Variants in CIZ1 observed in about 807,000 individuals in gnomAD.
CIZ1 encodes CDKN1A interacting zinc finger protein 1.
A neutral mutation model predicts 118.6 loss-of-function variants in CIZ1; 58 were observed. The ratio of observed to expected loss-of-function variants is 0.49; its 90% CI spans 0.40 to 0.61. CIZ1 has a LOEUF of 0.61. CIZ1 is among the 20% of genes least tolerant of loss of function. The pLI is 0.00. For missense variants in CIZ1, 921 were observed against 1,115.9 expected (o/e 0.83, Z 2.49); for synonymous variants, 448 against 443.4 (o/e 1.01, Z -0.13).
At chr9:128,167,271 C>T (rs1829552619) in intron 14 of CIZ1, 107 bp from the exon 15 acceptor site, 1 of 821,290 alleles carries the variant, frequency 1.2e-6, no homozygotes, top group Non-Finnish European at 1.9e-6. Context: ...ACAGAATCCC[C>T]TTGATTTCCA....
rs748765389 is a variant in CIZ1 at position 128,190,677 on chromosome 9, G to A, written c.170+11C>T. On this transcript the variant is annotated intron_variant, in intron 2 of 16. Coordinates refer to ENST00000372938, the MANE Select transcript of CIZ1 (RefSeq NM_001131016.2). Reference sequence around the variant, plus strand: ...AAGGCTGAAGCCATCGCGCCCGAGAGGGGAACTCACCGGCTGACAGCCATG... The same window carrying A: ...AAGGCTGAAGCCATCGCGCCCGAGAAGGGAACTCACCGGCTGACAGCCATG... 2.6e-6 allele frequency: 4 copies of A among 1,550,848 alleles called. No individual in the cohort carries two copies. Among genetic ancestry groups the A allele is most frequent in the Non-Finnish European group, 3.5e-6 (4 of 1,149,194 alleles).
Position 128,166,436 on chromosome 9 carries a change from G to A in CIZ1, c.2488-30C>T, listed in dbSNP as rs1486818893. ...ATACAGAAGGTGCAGGTAAGGTCAG[G>A]GTCTCCTCCCTACATGGTATGCTCC... is the stretch of plus-strand genomic sequence containing the variant. On this transcript the variant is annotated intron_variant, in intron 16 of 16. Transcript: ENST00000372938. The surrounding 1 kb of genome is among the most constrained non-coding windows in gnomAD (Gnocchi z 4.4). The A allele has an allele frequency of 1.4e-6, 2 of 1,470,530 alleles. No homozygotes were observed. The highest frequency in any genetic ancestry group is 4.3e-5 in the Admixed American group (2 of 46,416). 91.1% of individuals were successfully genotyped at this position (1,470,530 alleles called of 1,614,324 possible).
chr9:128,168,433 A>G (rs1022220571), intron 14 of CIZ1, among the ~76,000 whole-genome samples: 2 of 151,038 alleles, frequency 1.3e-5, no homozygotes, highest in Non-Finnish European at 2.9e-5. Flanking sequence ...TGAGAATCGC[A>G]TGAACCCAGG....
upstream of CIZ1, among the ~76,000 whole-genome samples, chr9:128,194,248 G>C (rs1158140176): frequency 6.6e-6 from 1 of 151,056 alleles, no homozygotes; most frequent in Admixed American, 6.6e-5. Flanking sequence ...TGTCATCCCA[G>C]CTACTCGGGA....
rs1829809472 is a variant in CIZ1 at position 128,169,141 on chromosome 9, C to T, written c.2206G>A (p.Ala736Thr). The change falls in exon 14 of 17, where the codon GCT (alanine) becomes ACT (threonine). Residue 736 changes from alanine to threonine, a missense_variant. Ala to Thr is a moderately conservative substitution (Grantham distance 58). Coordinates refer to ENST00000372938, the MANE Select transcript of CIZ1 (RefSeq NM_001131016.2). ...QDEDHFITVDAVGCFEGDEEE... is the reference protein window; with the variant it reads ...QDEDHFITVDTVGCFEGDEEE... The stretch of plus-strand genomic sequence containing the variant: ...TCATCACCCTCGAAGCAACCCACAG[C>T]GTCCACTGTAATGAAGTGGTCCTCA... 1.2e-6 allele frequency: 2 copies of T among 1,614,064 alleles called. No individual in the cohort carries two copies. Among genetic ancestry groups the T allele is most frequent in the Admixed American group, 3.3e-5 (2 of 60,000 alleles).
At chr9:128,178,112 G>A (rs971878381) in intron 9 of CIZ1, among the ~76,000 whole-genome samples, 26 of 152,120 alleles carry the variant, frequency 1.7e-4, no homozygotes, top group Non-Finnish European at 3.4e-4. Flanking sequence ...ACCCATGCGA[G>A]GAGACTGGGG....
Position 128,177,528 on chromosome 9 carries a change from G to GCCCCCC in CIZ1, c.1818+37_1818+38insGGGGGG. 9 of 1,164,588 alleles carry GCCCCCC rather than the reference G, an allele frequency of 7.7e-6. No individual in the cohort carries two copies. The East Asian group carries it at 8.6e-5, about 11-fold the overall frequency. 72.1% of individuals were successfully genotyped at this position (1,164,588 alleles called of 1,614,324 possible). ...AGGGCAGGCTGGGCATTCCACGCAGGCCCCACCCCTCCCCACCCTTATCTC... is the reference window on the plus strand; with the variant it reads ...AGGGCAGGCTGGGCATTCCACGCAGGCCCCCCCCCCACCCCTCCCCACCCTTATCTC... On this transcript the variant is annotated intron_variant, in intron 10 of 16. Transcript: ENST00000372938.
At chr9:128,179,682 G>T (rs573676813) in intron 7 of CIZ1, among the ~76,000 whole-genome samples, 3 of 152,030 alleles carry the variant, frequency 2.0e-5, no homozygotes, top group South Asian at 4.2e-4. Context: ...TTGTTTGTTT[G>T]TTTTTTTGAG....
intron 1 of CIZ1, among the ~76,000 whole-genome samples, chr9:128,199,582 G>A (rs1306083139): frequency 3.3e-5 from 5 of 152,014 alleles, no homozygotes; most frequent in Non-Finnish European, 7.3e-5. Context: ...GTGTGCACTT[G>A]TAGTTTCAGC....
chr9:128,180,586 G>A (rs1831456165), intron 6 of CIZ1, 63 bp from the exon 7 acceptor site: 1 of 1,483,220 alleles, frequency 6.7e-7, no homozygotes. Context: ...TGACCTCCAA[G>A]AGATGGGGCC....
chr9:128,192,906 A>C (rs1833256581), upstream of CIZ1, among the ~76,000 whole-genome samples: 1 of 151,340 alleles, frequency 6.6e-6, no homozygotes, highest in African/African-American at 2.4e-5. Flanking sequence ...AGCCTGGGCG[A>C]CTCCTCGCCC....
At chr9:128,189,559 C>T (rs1832867644) in intron 3 of CIZ1, among the ~76,000 whole-genome samples, 1 of 151,992 alleles carries the variant, frequency 6.6e-6, no homozygotes, top group East Asian at 1.9e-4. Context: ...GTGGCTCACG[C>T]CTGTAATCCC....
Position 128,179,126 on chromosome 9 carries a change from C to G in CIZ1, c.1081G>C (p.Val361Leu), listed in dbSNP as rs372654384. Residue 361 changes from valine to leucine, a missense_variant, in exon 8 of 17, where the codon GTG (valine) becomes CTG (leucine). By Grantham distance (32) the Val-to-Leu change is conservative. Transcript: ENST00000372938. Reference sequence around the variant, plus strand: ...GCCTCCTGCTGCAGCTGTGGCTGCACCTGCTTCTGTTGCAGCACTAAGTGC... The same window carrying G: ...GCCTCCTGCTGCAGCTGTGGCTGCAGCTGCTTCTGTTGCAGCACTAAGTGC... ...PEHLVLQQKQ[V>L]QPQLQQEAEP... is the part of the protein sequence containing the mutation. 6.2e-6 allele frequency: 10 copies of G among 1,613,992 alleles called. No individual in the cohort carries two copies. Among genetic ancestry groups the G allele is most frequent in the Middle Eastern group, 1.6e-4 (1 of 6,084 alleles).
rs1251813251 is a variant in CIZ1, at chr9:128,180,435, C to A, written c.771G>T (p.Leu257=). The change falls in exon 7 of 17, where the codon CTG becomes CTT. Residue 257 remains leucine, a synonymous_variant. Coordinates refer to ENST00000372938, the MANE Select transcript of CIZ1 (RefSeq NM_001131016.2). ...PEPEPCEASE[L]PAKRLRSSEE... The stretch of plus-strand genomic sequence containing the variant: ...GTTACCTCCTCAATCTCTTTGCTGG[C>A]AGCTCGGACGCCTCACAAGGCTCAG... 6 of 1,613,986 alleles carry A rather than the reference C, an allele frequency of 3.7e-6. No homozygotes were observed. The African/African-American group carries it at 8.0e-5, about 22-fold the overall frequency.
rs1832280455 is a variant in CIZ1 at position 128,185,745 on chromosome 9, T to C, written c.390A>G (p.Pro130=). The part of the protein sequence containing the change: ...GNLRGYGMAS[P]GLAAPSLTPP... ...GTGTGAGGCTGGGGGCTGCGAGGCCTGGGGATGCCATGCCATAGCCTCGGA... is the reference window on the plus strand; with the variant it reads ...GTGTGAGGCTGGGGGCTGCGAGGCCCGGGGATGCCATGCCATAGCCTCGGA... Residue 130 remains proline (P), a synonymous_variant, in exon 5 of 17, where the codon CCA becomes CCG. Transcript: ENST00000372938. The C allele has an allele frequency of 1.2e-6, 2 of 1,613,360 alleles. No homozygotes were observed. The highest frequency in any genetic ancestry group is 2.7e-5 in the African/African-American group (2 of 74,826).
At chr9:128,171,595 G>C (rs987285248) in intron 11 of CIZ1, among the ~76,000 whole-genome samples, 4 of 151,520 alleles carry the variant, frequency 2.6e-5, no homozygotes, top group Non-Finnish European at 2.9e-5. Context: ...AAATTAGCCG[G>C]GTGTGGTGGC....
chr9:128,181,760 A>C (rs1831652398), intron 5 of CIZ1, among the ~76,000 whole-genome samples: 2 of 107,110 alleles, frequency 1.9e-5, no homozygotes, highest in Non-Finnish European at 1.9e-5. Context: ...CAGACCAGGA[A>C]AGGCGGGGGG....
At chr9:128,176,557 C>T in intron 10 of CIZ1, 82 bp from the exon 11 acceptor site, 12 of 1,404,294 alleles carry the variant, frequency 8.5e-6, no homozygotes, top group Non-Finnish European at 1.2e-5. Context: ...GAGGCAGACC[C>T]CAGCCTCATC....
intron 12 of CIZ1, 59 bp from the exon 13 acceptor site, chr9:128,169,578 C>T: frequency 6.2e-7 from 1 of 1,602,262 alleles, no homozygotes; most frequent in Non-Finnish European, 8.5e-7. Context: ...TGACTAGCAC[C>T]CAGGCAGGGC....
Sources: allele counts gnomAD v4.1 joint callset (sites outside exome capture counted in the v4.1 genomes callset), GRCh38; gene constraint gnomAD v4.1.1; non-coding constraint Gnocchi (gnomAD v3.1); transcripts MANE v1.5; gene names NCBI Gene and HGNC (gene_info 2026-07-23, HGNC 2026-07-21).